TAB3: variants seen among roughly 807,000 people sequenced by gnomAD.
TAB3 encodes TGF-beta-activated kinase 1 and MAP3K7-binding protein 3.
In TAB3, 18 loss-of-function variants were observed where a neutral mutation model predicts 48.1. The observed-to-expected ratio is 0.37, with a 90% CI of 0.26 to 0.55. The LOEUF (loss-of-function observed/expected upper bound fraction) is 0.55. Ranked by LOEUF, TAB3 falls within the 20% of genes least tolerant of loss-of-function variation. The probability of loss-of-function intolerance (pLI) is 0.78; values close to 1 mark genes in which losing one functional copy is unlikely to be tolerated. For missense variants in TAB3, 414 were observed against 549.8 expected, an observed-to-expected ratio of 0.75 and a Z score of 2.47; for synonymous variants, 185 against 190.2, an observed-to-expected ratio of 0.97 and a Z score of 0.22.
rs1361109770 is a variant in TAB3, at chrX:30,883,834, A to G, written c.-383+5280T>C. ...GGGAATCTGAACACTATTATGTGAC[A>G]TTTTTCTGTGGGAAAATGGTGCTGC... On this transcript the variant is annotated intron_variant, in intron 1 of 10. Coordinates refer to ENST00000288422, the MANE Select transcript of TAB3 (RefSeq NM_152787.5). Among the ~76,000 whole-genome samples the G allele has an allele frequency of 3.6e-5, 4 of 111,401 alleles. No homozygotes were observed. The Admixed American group carries it at 3.8e-4, about 11-fold the overall frequency.
intron 10 of TAB3, among the ~76,000 whole-genome samples, 162 bp downstream of exon 10, chrX:30,833,889 G>C (rs142143364): frequency 9.1e-6 from 1 of 109,482 alleles, no homozygotes; most frequent in Admixed American, 9.7e-5. Flanking sequence ...ATTTTAAATT[G>C]TATATGTGGC....
intron 2 of TAB3, among the ~76,000 whole-genome samples, chrX:30,869,902 A>G (rs142986201): frequency 1.0e-3 from 116 of 112,783 alleles, no homozygotes; most frequent in African/African-American, 3.6e-3. Context: ...CACACACAGT[A>G]ATGGCAAATA....
At position 30,831,414 on chromosome X, in the gene TAB3, G is replaced by C; in HGVS notation, c.*13C>G. On this transcript the variant is annotated 3_prime_UTR_variant, in exon 11 of 11. Coordinates refer to ENST00000288422, the MANE Select transcript of TAB3 (RefSeq NM_152787.5). ...AAAGTTTCACTTTCAACCTGGCGCA[G>C]ACTTTTCTGAATTCAGGTGTACCGT... The C allele has an allele frequency of 1.7e-6, 2 of 1,204,255 alleles. No individual in the cohort carries two copies. The highest frequency in any genetic ancestry group is 2.2e-6 in the Non-Finnish European group (2 of 891,412).
chrX:30,855,642 T>TA, intron 5 of TAB3, 80 bp from the exon 6 acceptor site: 1 of 948,933 alleles, frequency 1.1e-6, no homozygotes, highest in Non-Finnish European at 1.4e-6. Context: ...GCCAGAGAGT[T>TA]ATGCAAATAC....
intron 2 of TAB3, among the ~76,000 whole-genome samples, chrX:30,868,196 C>A (rs185547062): frequency 1.5e-3 from 148 of 100,969 alleles, no homozygotes; most frequent in Non-Finnish European, 2.6e-3. Flanking sequence ...CACACCTGGC[C>A]TATATGATTT....
At chrX:30,879,758 G>C (rs1939944381) in intron 1 of TAB3, among the ~76,000 whole-genome samples, 2 of 111,383 alleles carry the variant, frequency 1.8e-5, no homozygotes, top group Non-Finnish European at 3.8e-5. Context: ...AGTAAGATAA[G>C]AAACAAAAGT....
rs1413375195 is a variant in TAB3 at position 30,852,909 on chromosome X, C to G, written c.1579G>C (p.Glu527Gln). 1 of 1,209,706 alleles carries G rather than the reference C, an allele frequency of 8.3e-7. No individual in the cohort carries two copies. The change falls in exon 7 of 11, where the codon GAG (glutamate) becomes CAG (glutamine). Residue 527 changes from glutamate (E) to glutamine (Q), a missense_variant. Physicochemically the swap from Glu to Gln is conservative, Grantham distance 29. Coordinates refer to ENST00000288422, the MANE Select transcript of TAB3 (RefSeq NM_152787.5). ...ALLLHQRARM[E>Q]RLAKQLKLEK... ...AGTTTCAGTTGCTTTGCTAACCTCT[C>G]CATCCTTGCTCGTTGATGTAACAGC...
intron 8 of TAB3, chrX:30,846,350 T>G: frequency 2.7e-6 from 1 of 368,451 alleles, no homozygotes; most frequent in Non-Finnish European, 4.6e-6. Context: ...TGATAAGAAC[T>G]TGATGAAACT....
intron 4 of TAB3, among the ~76,000 whole-genome samples, chrX:30,861,214 C>A (rs905221678): frequency 1.8e-5 from 2 of 112,023 alleles, no homozygotes; most frequent in African/African-American, 6.5e-5. Flanking sequence ...ATTTACAGAG[C>A]CCAACTACTC....
chrX:30,888,699 T>G (rs1242336613), intron 1 of TAB3, among the ~76,000 whole-genome samples: 1 of 112,809 alleles, frequency 8.9e-6, no homozygotes, highest in Admixed American at 9.3e-5. Context: ...CTCAACACCC[T>G]CAACGGCCCC....
chrX:30,868,617 AGCGC>A (rs773505510), intron 2 of TAB3, among the ~76,000 whole-genome samples: 5 of 62,559 alleles, frequency 8.0e-5, no homozygotes, highest in African/African-American at 1.3e-4. Context: ...AGAGAGAGAG[AGCGC>A]GTGGGGGGGA....
chrX:30,844,681 T>C (rs1938564188), intron 8 of TAB3: 2 of 112,580 alleles, frequency 1.8e-5, no homozygotes, highest in Non-Finnish European at 3.8e-5. Context: ...TTCAAGTTAG[T>C]GGGCTATAGA....
Position 30,867,152 on chromosome X carries a change from T to C in TAB3, c.-128A>G, listed in dbSNP as rs901468926. ...CCTCAAGAACAAAAGTCTGAGAAAC[T>C]GTCACAGCCAAGAGGAGTCTAAGGA... On this transcript the variant is annotated 5_prime_UTR_variant, in exon 4 of 11. Coordinates refer to ENST00000288422, the MANE Select transcript of TAB3 (RefSeq NM_152787.5). 3.0e-4 allele frequency: 33 copies of C among 111,560 alleles called. No homozygotes were observed. The highest frequency in any genetic ancestry group is 1.0e-3 in the African/African-American group (31 of 30,663). 9.2% of individuals were successfully genotyped at this position (111,560 alleles called of 1,213,427 possible).
chrX:30,843,056 A>G lies in TAB3; in HGVS notation c.1805-7T>C. On this transcript the variant is annotated splice_polypyrimidine_tract_variant and splice_region_variant and intron_variant, in intron 8 of 10. Transcript: ENST00000288422. ...GCTTTTGGATCAAAGTTTCCTATAA[A>G]GAAAGTAAATTCATCAGGCATTTAA... The G allele has an allele frequency of 1.9e-6, 2 of 1,080,046 alleles. No individual in the cohort carries two copies. Among genetic ancestry groups the G allele is most frequent in the Non-Finnish European group, 2.5e-6 (2 of 793,225 alleles). 89.0% of individuals were successfully genotyped at this position (1,080,046 alleles called of 1,213,427 possible).
chrX:30,868,299 C>CTA lies in TAB3; in HGVS notation c.-279-752_-279-751dup, dbSNP rs36142402. Among the ~76,000 whole-genome samples the CTA allele has an allele frequency of 5.9e-4, 2 of 3,417 alleles. 1 individual carries two copies. Among genetic ancestry groups the CTA allele is most frequent in the Non-Finnish European group, 7.7e-4 (2 of 2,612 alleles). 3.0% of individuals were successfully genotyped at this position (3,417 alleles called of 115,157 possible). The stretch of plus-strand genomic sequence containing the variant: ...CTGTTTAGTTCTGTTTAGTGAAAAG[C>CTA]TATATATATATATAGCTTATATATA... On this transcript the variant is annotated intron_variant, in intron 2 of 10. Transcript: ENST00000288422.
At chrX:30,851,038 C>T (rs978680509) in intron 7 of TAB3, among the ~76,000 whole-genome samples, 14 of 111,477 alleles carry the variant, frequency 1.3e-4, no homozygotes, top group African/African-American at 4.2e-4. Context: ...CAATATCTTC[C>T]GCAATCAGAG....
chrX:30,833,271 C>G (rs916490411), intron 10 of TAB3, among the ~76,000 whole-genome samples: 5 of 110,160 alleles, frequency 4.5e-5, no homozygotes, highest in African/African-American at 1.6e-4. Context: ...ACCCGGCCTA[C>G]TATGCCATTT....
At chrX:30,856,773 G>C (rs1011135635) in intron 5 of TAB3, among the ~76,000 whole-genome samples, 2 of 111,757 alleles carry the variant, frequency 1.8e-5, no homozygotes, top group African/African-American at 6.5e-5. Flanking sequence ...ACTCCTATTA[G>C]AGTTCATCTG....
rs1939020129 is a variant in TAB3, at chrX:30,855,179, G to C, written c.486C>G (p.Ser162=). Residue 162 remains serine (S), a synonymous_variant, in exon 6 of 11, where the codon TCC becomes TCG. Transcript: ENST00000288422. ...PPSQPPQQPS[S]MQTGMNPSAM... is the part of the protein sequence containing the mutation. ...CAGACGGATTCATTCCTGTTTGCAT[G>C]GAAGATGGCTGTTGAGGTGGTTGTG... 1 of 1,210,076 alleles carries C rather than the reference G, an allele frequency of 8.3e-7. No homozygotes were observed. The highest frequency in any genetic ancestry group is 1.7e-5 in the African/African-American group (1 of 57,200).
Sources: allele counts gnomAD v4.1 joint callset (sites outside exome capture counted in the v4.1 genomes callset), GRCh38; gene constraint gnomAD v4.1.1; transcripts MANE v1.5; gene names NCBI Gene and HGNC (gene_info 2026-07-23, HGNC 2026-07-21).